Variants in FOXP1 observed in about 807,000 individuals in gnomAD.
FOXP1 encodes the protein forkhead box protein P1.
In FOXP1, 15 loss-of-function variants were observed where a neutral mutation model predicts 98.2. The ratio of observed to expected loss-of-function variants is 0.15; its 90% CI spans 0.10 to 0.24. The LOEUF is 0.24. FOXP1 is among the 10% of genes least tolerant of loss of function. FOXP1 has a pLI of 1.00. For missense variants in FOXP1, 633 were observed against 848.5 expected (o/e 0.75, Z 3.15); for synonymous variants, 371 against 314.5 (o/e 1.18, Z -1.90).
intron 4 of FOXP1, among the ~76,000 whole-genome samples, chr3:71,349,257 T>C (rs1032546789): frequency 6.6e-6 from 1 of 152,174 alleles, no homozygotes; most frequent in African/African-American, 2.4e-5. Context: ...AATAAAAAAA[T>C]AACTTAGCAG....
At chr3:71,494,500 C>G (rs1307615011) in intron 2 of FOXP1, among the ~76,000 whole-genome samples, 1 of 152,182 alleles carries the variant, frequency 6.6e-6, no homozygotes, top group East Asian at 1.9e-4. Context: ...AAGCCTGGCA[C>G]CAGTACCTAA....
intron 11 of FOXP1, among the ~76,000 whole-genome samples, chr3:71,032,813 G>A (rs1270824509): frequency 6.6e-6 from 1 of 152,158 alleles, no homozygotes; most frequent in African/African-American, 2.4e-5. Flanking sequence ...TGGCTTAAGA[G>A]CATAAGACTC....
At chr3:71,444,887 T>C (rs1263289874) in intron 3 of FOXP1, among the ~76,000 whole-genome samples, 1 of 152,088 alleles carries the variant, frequency 6.6e-6, no homozygotes, top group East Asian at 1.9e-4. Context: ...GGAGTGGGGA[T>C]GGCCATGGGG....
In FOXP1 at chr3:71,291,946, C is replaced by T. The variant is rs540325710; in HGVS notation, c.-12+7874G>A. Among the ~76,000 whole-genome samples, 3 of 152,134 alleles carry T rather than the reference C, an allele frequency of 2.0e-5. No individual in the cohort carries two copies. In the South Asian group the frequency reaches 6.2e-4, roughly 32 times the overall value. ...GATTTTGATCTCTTGACCTCGTGAT[C>T]TGCCTGCCTCGGCCTCCCAAAGTGC... On this transcript the variant is annotated intron_variant, in intron 5 of 20. Coordinates refer to ENST00000649528, the MANE Select transcript of FOXP1 (RefSeq NM_001349338.3).
intron 2 of FOXP1, among the ~76,000 whole-genome samples, chr3:71,517,367 G>C (rs547135072): frequency 1.3e-5 from 2 of 152,212 alleles, no homozygotes; most frequent in East Asian, 1.9e-4. Flanking sequence ...AACAATGCAA[G>C]AATGTATTTG....
intron 7 of FOXP1, among the ~76,000 whole-genome samples, chr3:71,064,000 G>A (rs527754778): frequency 5.5e-4 from 84 of 152,188 alleles, no homozygotes; most frequent in Non-Finnish European, 1.1e-3. Context: ...TGACAGTTGA[G>A]TTAGCTACAT....
chr3:71,441,577 C>T (rs1037163377), intron 3 of FOXP1, among the ~76,000 whole-genome samples: 4 of 152,228 alleles, frequency 2.6e-5, no homozygotes, highest in Non-Finnish European at 5.9e-5. Flanking sequence ...ATGCCCCCGG[C>T]GTCACTAACA....
intron 5 of FOXP1, among the ~76,000 whole-genome samples, chr3:71,242,031 AAAACATTCT>A (rs1267462233): frequency 4.6e-5 from 7 of 152,240 alleles, no homozygotes; most frequent in African/African-American, 1.7e-4. Context: ...TTCAGGTAAT[AAAACATTCT>A]ATCAAAACAA....
chr3:70,992,548 T>C (rs941870330), intron 13 of FOXP1, among the ~76,000 whole-genome samples: 1 of 152,184 alleles, frequency 6.6e-6, no homozygotes, highest in Non-Finnish European at 1.5e-5. Flanking sequence ...TTAGTACCAG[T>C]GAAAAACTTT....
At chr3:71,399,731 A>G (rs556425306) in intron 3 of FOXP1, among the ~76,000 whole-genome samples, 29 of 152,340 alleles carry the variant, frequency 1.9e-4, no homozygotes, top group Middle Eastern at 3.4e-3. Context: ...AAATGAATCC[A>G]AAAGCAGTGT....
chr3:71,140,067 A>G (rs1286892502), intron 6 of FOXP1, among the ~76,000 whole-genome samples: 1 of 152,252 alleles, frequency 6.6e-6, no homozygotes, highest in Non-Finnish European at 1.5e-5. Context: ...GTTACATAGA[A>G]TATCTTCTCC....
intron 7 of FOXP1, among the ~76,000 whole-genome samples, chr3:71,085,975 G>A (rs1174497057): frequency 2.6e-5 from 4 of 151,776 alleles, no homozygotes; most frequent in Non-Finnish European, 5.9e-5. Context: ...TGATCTGCCC[G>A]CCTTGGCCTC....
intron 4 of FOXP1, among the ~76,000 whole-genome samples, chr3:71,317,229 T>A (rs1343173127): frequency 6.6e-6 from 1 of 152,118 alleles, no homozygotes; most frequent in East Asian, 1.9e-4. Flanking sequence ...AGGAAAAAAA[T>A]TCCCATTATT....
intron 7 of FOXP1, among the ~76,000 whole-genome samples, chr3:71,101,106 G>A (rs765347339): frequency 2.0e-5 from 3 of 152,196 alleles, no homozygotes; most frequent in Middle Eastern, 3.4e-3. Flanking sequence ...AAAAAGGAAC[G>A]GACAGAAAAT....
intron 5 of FOXP1, among the ~76,000 whole-genome samples, chr3:71,217,001 C>T (rs1251102634): frequency 2.0e-5 from 3 of 152,162 alleles, no homozygotes; most frequent in Non-Finnish European, 4.4e-5. Flanking sequence ...GTCCACGCAT[C>T]AAGAGTGCTG....
rs368380076 is a variant in FOXP1, at chr3:70,977,781, G to C, written c.1348+47C>G. The C allele has an allele frequency of 4.9e-5, 79 of 1,608,878 alleles. 1 individual carries two copies. The African/African-American group carries it at 8.8e-4, about 18-fold the overall frequency. On this transcript the variant is annotated intron_variant, in intron 15 of 20. Coordinates refer to ENST00000649528, the MANE Select transcript of FOXP1 (RefSeq NM_001349338.3). The stretch of plus-strand genomic sequence containing the variant: ...TTTTTCAAAAGGGGCTGGTCTACAA[G>C]AATTGCAGATTACAACTCTACGTGA...
intron 4 of FOXP1, among the ~76,000 whole-genome samples, chr3:71,321,121 CA>C (rs11293559): frequency 0.23 from 28,517 of 121,796 alleles, 2,940 homozygotes; most frequent in African/African-American, 0.31. Context: ...TAGACTGTAC[CA>C]AAAAAAAAAA....
chr3:71,545,948 T>C (rs1387739519), intron 2 of FOXP1, among the ~76,000 whole-genome samples: 1 of 152,214 alleles, frequency 6.6e-6, no homozygotes, highest in Non-Finnish European at 1.5e-5. Flanking sequence ...AAATGTTGCA[T>C]ATATCCTGGC....
At chr3:71,162,153 A>G in intron 6 of FOXP1, among the ~76,000 whole-genome samples, 1 of 152,234 alleles carries the variant, frequency 6.6e-6, no homozygotes, top group East Asian at 1.9e-4. Flanking sequence ...CCTGGTTTCA[A>G]TCATCACTTA....
Sources: gnomAD v4.1 joint callset for allele counts (sites outside exome capture counted in the v4.1 genomes callset) on GRCh38, gnomAD v4.1.1 for gene constraint, MANE v1.5 for transcripts, NCBI Gene and HGNC (gene_info 2026-07-23, HGNC 2026-07-21) for gene names.